The following ROBO2 variants were observed in gnomAD, a reference collection of about 807,000 sequenced individuals.
ROBO2 encodes roundabout homolog 2.
A neutral mutation model predicts 160.8 loss-of-function variants in ROBO2; 53 were observed. The ratio of observed to expected loss-of-function variants is 0.33; its 90% CI spans 0.26 to 0.41. ROBO2 has a LOEUF of 0.41. Ranked by LOEUF, ROBO2 falls within the 10% of genes least tolerant of loss-of-function variation. ROBO2 has a pLI of 1.00. For synonymous variants in ROBO2, 664 were observed against 611.7 expected (o/e 1.09, Z -1.26); for missense variants, 1,577 against 1,722.4 (o/e 0.92, Z 1.49).
chr3:77,190,450 T>C (rs570753108), intron 2 of ROBO2, among the ~76,000 whole-genome samples: 2 of 152,170 alleles, frequency 1.3e-5, no homozygotes, highest in South Asian at 2.1e-4. Flanking sequence ...GATTCCAACC[T>C]GAATGCCTCC....
At chr3:77,597,990 C>T (rs1039757184) in intron 19 of ROBO2, among the ~76,000 whole-genome samples, 13 of 152,076 alleles carry the variant, frequency 8.5e-5, no homozygotes, top group African/African-American at 2.7e-4. Flanking sequence ...TTTAAGTCAT[C>T]CAGCCTGCTG....
chr3:77,427,641 G>T lies in ROBO2; in HGVS notation c.389-49773G>T, dbSNP rs192346703. Among the ~76,000 whole-genome samples the T allele has an allele frequency of 1.6e-4, 25 of 152,178 alleles. 1 individual carries two copies. The highest frequency in any genetic ancestry group is 2.0e-4 in the Admixed American group (3 of 15,290). On this transcript the variant is annotated intron_variant, in intron 2 of 25. Transcript: ENST00000461745. ...TGGCCTTCTGGCTCCCACTGGCCAG[G>T]GAAAAAGAAAGAAAATAACAGCAAG...
chr3:77,281,852 A>T (rs570828677), intron 2 of ROBO2, among the ~76,000 whole-genome samples: 1 of 152,194 alleles, frequency 6.6e-6, no homozygotes, highest in South Asian at 2.1e-4. Flanking sequence ...TCACATACGC[A>T]GTTCACAATA....
intron 2 of ROBO2, among the ~76,000 whole-genome samples, chr3:77,325,668 T>C (rs1297761321): frequency 1.3e-5 from 2 of 152,210 alleles, no homozygotes; most frequent in Admixed American, 6.5e-5. Flanking sequence ...GTGGAGATAA[T>C]GGAGAAAGAA....
intron 2 of ROBO2, among the ~76,000 whole-genome samples, chr3:77,336,346 A>T (rs1381028024): frequency 3.9e-5 from 6 of 152,152 alleles, no homozygotes; most frequent in Non-Finnish European, 8.8e-5. Context: ...CCAACAAGCA[A>T]CACGAAGTCA....
chr3:77,017,537 G>T (rs1250418745), intron 2 of ROBO2, among the ~76,000 whole-genome samples: 2 of 152,142 alleles, frequency 1.3e-5, no homozygotes, highest in Non-Finnish European at 2.9e-5. Flanking sequence ...GATAATTTGA[G>T]AAAATTTTAG....
At chr3:76,049,383 G>GTATA (rs1553727226) in intron 2 of ROBO2, among the ~76,000 whole-genome samples, 18 of 36,812 alleles carry the variant, frequency 4.9e-4, no homozygotes, top group Non-Finnish European at 6.5e-4. Context: ...GCTAATTTTA[G>GTATA]TATATATATA....
chr3:77,194,111 G>GT (rs1406898918), intron 2 of ROBO2, among the ~76,000 whole-genome samples: 1 of 152,140 alleles, frequency 6.6e-6, no homozygotes, highest in African/African-American at 2.4e-5. Context: ...CAAATATTTT[G>GT]TTTTTATTAT....
chr3:75,944,883 C>T (rs866415190), intron 2 of ROBO2, among the ~76,000 whole-genome samples: 1 of 152,108 alleles, frequency 6.6e-6, no homozygotes, highest in East Asian at 1.9e-4. Context: ...TAGTTATCTT[C>T]CTACTTTCTG....
chr3:76,761,955 AC>A (rs1252586035), intron 2 of ROBO2, among the ~76,000 whole-genome samples: 1 of 151,590 alleles, frequency 6.6e-6, no homozygotes, highest in Non-Finnish European at 1.5e-5. Flanking sequence ...ATGATCATAA[AC>A]TTTTTTTTAT....
chr3:76,264,683 A>C (rs2107606259), intron 2 of ROBO2, among the ~76,000 whole-genome samples: 1 of 152,178 alleles, frequency 6.6e-6, no homozygotes, highest in African/African-American at 2.4e-5. Context: ...TCAAACTGAA[A>C]CCTAAAGATG....
chr3:77,332,406 A>G (rs2066063444), intron 2 of ROBO2, among the ~76,000 whole-genome samples: 1 of 152,150 alleles, frequency 6.6e-6, no homozygotes, highest in Admixed American at 6.5e-5. Context: ...TACATTTTAC[A>G]GAGGTAGTAT....
intron 2 of ROBO2, among the ~76,000 whole-genome samples, chr3:76,649,017 G>A (rs2091123264): frequency 6.6e-6 from 1 of 152,032 alleles, no homozygotes; most frequent in Admixed American, 6.6e-5. Flanking sequence ...TAATGATGCA[G>A]TACGTCAGGA....
intron 2 of ROBO2, among the ~76,000 whole-genome samples, chr3:77,034,536 A>G (rs1168620167): frequency 6.6e-6 from 1 of 151,970 alleles, no homozygotes; most frequent in Non-Finnish European, 1.5e-5. Flanking sequence ...AGACAGTTCA[A>G]TTAGATTACA....
chr3:77,351,913 C>G (rs1382127738), intron 2 of ROBO2, among the ~76,000 whole-genome samples: 1 of 149,862 alleles, frequency 6.7e-6, no homozygotes, highest in Non-Finnish European at 1.5e-5. Flanking sequence ...CACATGGACA[C>G]AGGAAGGGGA....
intron 2 of ROBO2, among the ~76,000 whole-genome samples, chr3:76,533,442 G>C (rs1422240842): frequency 6.6e-6 from 1 of 152,074 alleles, no homozygotes; most frequent in Non-Finnish European, 1.5e-5. Flanking sequence ...AATCTCAGAG[G>C]AAAAATTGCT....
At chr3:76,335,000 A>T (rs1181003235) in intron 2 of ROBO2, among the ~76,000 whole-genome samples, 1 of 151,956 alleles carries the variant, frequency 6.6e-6, no homozygotes, top group East Asian at 1.9e-4. Context: ...GCTTTTTTTC[A>T]TCTATTTTTT....
At chr3:77,204,428 C>CT (rs2083219691) in intron 2 of ROBO2, among the ~76,000 whole-genome samples, 1 of 151,964 alleles carries the variant, frequency 6.6e-6, no homozygotes, top group Non-Finnish European at 1.5e-5. Context: ...TAAGGTTCAG[C>CT]TTTTTTTGTC....
chr3:76,838,332 T>A (rs896623237), intron 2 of ROBO2, among the ~76,000 whole-genome samples: 1 of 152,046 alleles, frequency 6.6e-6, no homozygotes, highest in Admixed American at 6.6e-5. Flanking sequence ...AACCCACAGA[T>A]ATGAGTTTAC....
Sources: gnomAD v4.1 joint callset for allele counts (sites outside exome capture counted in the v4.1 genomes callset) on GRCh38, gnomAD v4.1.1 for gene constraint, MANE v1.5 for transcripts, NCBI Gene and HGNC (gene_info 2026-07-23, HGNC 2026-07-21) for gene names.